TMPRSS12: variants seen among roughly 807,000 people sequenced by gnomAD.
TMPRSS12 encodes the protein transmembrane protease serine 12.
In TMPRSS12, 25 loss-of-function variants were observed where a neutral mutation model predicts 26.0. The observed-to-expected ratio is 0.96, with a 90% CI of 0.70 to 1.34. The LOEUF (loss-of-function observed/expected upper bound fraction) is 1.34. Ranked by LOEUF, TMPRSS12 falls within the 40% of genes most tolerant of loss-of-function variation. The pLI, the probability that TMPRSS12 is intolerant of heterozygous loss-of-function variation, is 0.00. For missense variants in TMPRSS12, 441 were observed against 440.1 expected (o/e 1.00, Z -0.02); for synonymous variants, 150 against 161.7 (o/e 0.93, Z 0.55).
chr12:50,874,317 C>A (rs1185366617), intron 3 of TMPRSS12, among the ~76,000 whole-genome samples: 3 of 151,904 alleles, frequency 2.0e-5, no homozygotes, highest in African/African-American at 4.8e-5. Flanking sequence ...AAATCATCAA[C>A]AAAATGTTAG....
At chr12:50,862,982 C>T (rs186636705) in intron 3 of TMPRSS12, among the ~76,000 whole-genome samples, 5 of 152,026 alleles carry the variant, frequency 3.3e-5, no homozygotes, top group African/African-American at 4.8e-5. Flanking sequence ...TGCTTGAGGC[C>T]AGGAGTTCGA....
In TMPRSS12 at chr12:50,887,757, T is replaced by C; in HGVS notation, c.*244T>C. The C allele has an allele frequency of 2.8e-6, 1 of 352,128 alleles. No homozygotes were observed. Among genetic ancestry groups the C allele is most frequent in the South Asian group, 8.2e-5 (1 of 12,132 alleles). 21.8% of individuals were successfully genotyped at this position (352,128 alleles called of 1,614,324 possible). On this transcript the variant is annotated 3_prime_UTR_variant, in exon 5 of 5. Transcript: ENST00000398458. ...TCTGTATCTGGAATACTCATAGAGT[T>C]TGTACAAAATATTCAGTTAAACATA...
intron 3 of TMPRSS12, among the ~76,000 whole-genome samples, chr12:50,872,863 A>ACGTATATATGTACATATATATGACGT (rs1555206498): frequency 2.5e-5 from 1 of 39,600 alleles, no homozygotes; most frequent in Non-Finnish European, 5.4e-5. Flanking sequence ...CATATATATG[A>ACGTATATATGTACATATATATGACGT]CTATATATGT....
chr12:50,861,085 T>G (rs890184552), intron 3 of TMPRSS12, among the ~76,000 whole-genome samples: 11 of 152,162 alleles, frequency 7.2e-5, no homozygotes, highest in African/African-American at 2.7e-4. Context: ...ATGCCCCCAA[T>G]ATTCCTAAAA....
intron 3 of TMPRSS12, among the ~76,000 whole-genome samples, chr12:50,861,202 C>G (rs1937931122): frequency 6.6e-6 from 1 of 152,122 alleles, no homozygotes; most frequent in African/African-American, 2.4e-5. Context: ...ATTCTAAAGC[C>G]TGAATATTTA....
Position 50,887,315 on chromosome 12 carries a change from TG to T in TMPRSS12, c.850del (p.Val284Ter). Reference protein sequence around the residue: ...CYLPEYKRFFVMGITSYGHGC... With the variant: ...CYLPEYKRFFXMGITSYGHGC... ...ACTTACCAGAATATAAAAGATTTTT[TG>T]TAATGGGAATTACCAGTTACGGACA... On this transcript the variant is annotated frameshift_variant, in exon 5 of 5. Coordinates refer to ENST00000398458, the MANE Select transcript of TMPRSS12 (RefSeq NM_182559.3). LOFTEE classifies it low-confidence loss of function (END_TRUNC). The T allele has an allele frequency of 6.2e-7, 1 of 1,613,968 alleles. No individual in the cohort carries two copies. The highest frequency in any genetic ancestry group is 8.5e-7 in the Non-Finnish European group (1 of 1,179,860).
chr12:50,852,807 C>T (rs1390508034), intron 2 of TMPRSS12, among the ~76,000 whole-genome samples: 1 of 152,206 alleles, frequency 6.6e-6, no homozygotes, highest in Non-Finnish European at 1.5e-5. Flanking sequence ...TATCCTAACA[C>T]TGGAGGACCT....
intron 3 of TMPRSS12, among the ~76,000 whole-genome samples, chr12:50,862,987 GT>G (rs1174098687): frequency 1.3e-5 from 2 of 152,006 alleles, no homozygotes; most frequent in African/African-American, 4.8e-5. Context: ...GAGGCCAGGA[GT>G]TCGAGACCAG....
intron 2 of TMPRSS12, among the ~76,000 whole-genome samples, chr12:50,855,546 T>TA (rs1290169824): frequency 1.3e-5 from 2 of 151,900 alleles, no homozygotes; most frequent in Non-Finnish European, 2.9e-5. Flanking sequence ...TCTTAAAAAG[T>TA]AAAAAAATAA....
intron 2 of TMPRSS12, among the ~76,000 whole-genome samples, chr12:50,845,906 T>C (rs898686339): frequency 1.2e-4 from 18 of 152,364 alleles, no homozygotes; most frequent in African/African-American, 4.3e-4. Context: ...GGCATCTTTC[T>C]ATGTGCTTAT....
chr12:50,884,433 A>G (rs1308717343), intron 3 of TMPRSS12, among the ~76,000 whole-genome samples: 1 of 152,210 alleles, frequency 6.6e-6, no homozygotes, highest in East Asian at 1.9e-4. Context: ...CTCCATTTCT[A>G]TACACTAGCA....
At chr12:50,853,077 C>T (rs184045789) in intron 2 of TMPRSS12, among the ~76,000 whole-genome samples, 1 of 152,212 alleles carries the variant, frequency 6.6e-6, no homozygotes, top group Admixed American at 6.6e-5. Context: ...ACACACTCAG[C>T]CATAAGACAA....
At chr12:50,885,687 G>A (rs918767075) in intron 4 of TMPRSS12, 22 of 578,018 alleles carry the variant, frequency 3.8e-5, no homozygotes, top group Non-Finnish European at 5.8e-5. Context: ...AGATAGTCTC[G>A]CTTTGTCACC....
intron 3 of TMPRSS12, among the ~76,000 whole-genome samples, chr12:50,880,962 A>ATTT (rs1443301507): frequency 1.0e-5 from 1 of 99,158 alleles, no homozygotes; most frequent in Non-Finnish European, 2.0e-5. Flanking sequence ...GGAATCAGTA[A>ATTT]TTTCTTTTTT....
rs892683938 is a variant in TMPRSS12, at chr12:50,887,329, C to G, written c.863C>G (p.Thr288Ser). The G allele has an allele frequency of 6.2e-7, 1 of 1,613,866 alleles. No homozygotes were observed. Among genetic ancestry groups the G allele is most frequent in the Non-Finnish European group, 8.5e-7 (1 of 1,179,846 alleles). ...AAAAGATTTTTTGTAATGGGAATTA[C>G]CAGTTACGGACATGGCTGTGGTCGA... Reference protein sequence around the residue: ...EYKRFFVMGITSYGHGCGRRG... With the variant: ...EYKRFFVMGISSYGHGCGRRG... The change falls in exon 5 of 5, where the codon ACC (threonine) becomes AGC (serine). Residue 288 changes from threonine (T) to serine (S), a missense_variant. Physicochemically the swap from Thr to Ser is moderately conservative, Grantham distance 58. Coordinates refer to ENST00000398458, the MANE Select transcript of TMPRSS12 (RefSeq NM_182559.3).
intron 3 of TMPRSS12, among the ~76,000 whole-genome samples, chr12:50,859,716 A>G (rs746236648): frequency 1.3e-5 from 2 of 152,186 alleles, no homozygotes; most frequent in African/African-American, 2.4e-5. Context: ...ACAGCTGTCT[A>G]CAATACTTAG....
chr12:50,870,195 A>AAAC (rs888249158), intron 3 of TMPRSS12, among the ~76,000 whole-genome samples: 13 of 152,274 alleles, frequency 8.5e-5, no homozygotes, highest in East Asian at 1.9e-4. Flanking sequence ...TTCCATCTCA[A>AAAC]AACAACAACA....
intron 4 of TMPRSS12, chr12:50,886,492 C>G (rs1035031422): frequency 2.6e-5 from 4 of 152,152 alleles, no homozygotes; most frequent in Non-Finnish European, 5.9e-5. Context: ...CCTTAAAAAT[C>G]TTGCTGAATG....
chr12:50,872,842 C>CATATATATGATG (rs1565936043), intron 3 of TMPRSS12, among the ~76,000 whole-genome samples: 1 of 13,140 alleles, frequency 7.6e-5, no homozygotes, highest in Non-Finnish European at 1.7e-4. Context: ...TATATGACGT[C>CATATATATGATG]TATATATGTA....
Sources: gnomAD v4.1 joint callset for allele counts (sites outside exome capture counted in the v4.1 genomes callset) on GRCh38, gnomAD v4.1.1 for gene constraint, MANE v1.5 for transcripts, NCBI Gene and HGNC (gene_info 2026-07-23, HGNC 2026-07-21) for gene names.